The following MAP7 variants were observed in gnomAD, a reference collection of about 807,000 sequenced individuals.
The protein encoded by MAP7 is microtubule associated protein 7.
A neutral mutation model predicts 94.8 loss-of-function variants in MAP7; 52 were observed. The ratio of observed to expected loss-of-function variants is 0.55; its 90% CI spans 0.44 to 0.69. The LOEUF is 0.69. Ranked by LOEUF, MAP7 falls within the 30% of genes least tolerant of loss-of-function variation. The pLI is 0.00. For missense variants in MAP7, 940 were observed against 964.6 expected, an observed-to-expected ratio of 0.97 and a Z score of 0.34; for synonymous variants, 350 against 357.0, an observed-to-expected ratio of 0.98 and a Z score of 0.22.
intron 3 of MAP7, among the ~76,000 whole-genome samples, chr6:136,393,945 TTTC>T (rs1781532595): frequency 6.6e-6 from 1 of 151,144 alleles, no homozygotes; most frequent in African/African-American, 2.4e-5. Context: ...TGGCCTAGCA[TTTC>T]TTATGTTCTG....
chr6:136,377,755 C>T lies in MAP7; in HGVS notation c.751G>A (p.Ala251Thr), dbSNP rs1281920055. ...KSTAALSGEAASCSPIIMPYK... is the reference protein window; with the variant it reads ...KSTAALSGEATSCSPIIMPYK... ...GAAAGTTCCACCTGGACAGTTTTAC[C>T]TGCTTCTCCAGACAAGGCAGCTGTG... is the stretch of plus-strand genomic sequence containing the variant. Residue 251 changes from alanine (A) to threonine (T), a missense_variant and splice_region_variant, in exon 7 of 18, where the codon GCA becomes ACA. By Grantham distance (58) the Ala-to-Thr change is moderately conservative. Coordinates refer to ENST00000354570, the MANE Select transcript of MAP7 (RefSeq NM_003980.6). 1 of 1,613,334 alleles carries T rather than the reference C, an allele frequency of 6.2e-7. No individual in the cohort carries two copies. The highest frequency in any genetic ancestry group is 8.5e-7 in the Non-Finnish European group (1 of 1,179,338).
intron 16 of MAP7, among the ~76,000 whole-genome samples, chr6:136,353,490 T>C (rs545326188): frequency 6.6e-6 from 1 of 152,338 alleles, no homozygotes; most frequent in East Asian, 1.9e-4. Flanking sequence ...ACCATATGTA[T>C]ATTACCCACT....
chr6:136,403,647 C>A (rs1784788441), intron 3 of MAP7, among the ~76,000 whole-genome samples: 1 of 152,200 alleles, frequency 6.6e-6, no homozygotes, highest in Non-Finnish European at 1.5e-5. Flanking sequence ...TTTACAAGAC[C>A]CCTTACTTTT....
chr6:136,379,881 G>A (rs1381199498), intron 6 of MAP7, among the ~76,000 whole-genome samples: 3 of 152,174 alleles, frequency 2.0e-5, no homozygotes, highest in African/African-American at 7.2e-5. Context: ...ATATTGCTAG[G>A]AGAAACATGT....
At chr6:136,529,468 C>A (rs1283613708) in intron 1 of MAP7, among the ~76,000 whole-genome samples, 5 of 152,160 alleles carry the variant, frequency 3.3e-5, no homozygotes, top group African/African-American at 1.2e-4. Context: ...TTAGATGTGG[C>A]ACAACTATCC....
chr6:136,537,583 A>G (rs1222212911), intron 1 of MAP7, among the ~76,000 whole-genome samples: 1 of 152,222 alleles, frequency 6.6e-6, no homozygotes, highest in Non-Finnish European at 1.5e-5. Flanking sequence ...AAATCCATAC[A>G]AAACTTATTT....
intron 1 of MAP7, among the ~76,000 whole-genome samples, chr6:136,527,653 T>C (rs1336945094): frequency 6.6e-6 from 1 of 152,240 alleles, no homozygotes; most frequent in East Asian, 1.9e-4. Flanking sequence ...AAGTGCTTAA[T>C]AAATACCAAC....
chr6:136,454,801 A>G (rs2128892646), intron 1 of MAP7, among the ~76,000 whole-genome samples: 1 of 152,136 alleles, frequency 6.6e-6, no homozygotes, highest in Non-Finnish European at 1.5e-5. Flanking sequence ...TGGGAGGCTG[A>G]TATGGGAGGA....
Position 136,361,089 on chromosome 6 carries a change from G to T in MAP7, c.1617C>A (p.Ala539=). The change falls in exon 12 of 18, where the codon GCC becomes GCA. Residue 539 remains alanine, a synonymous_variant. Transcript: ENST00000354570. The part of the protein sequence containing the change: ...EESRRLEAEQ[A]REKEEQLQRQ... The stretch of plus-strand genomic sequence containing the variant: ...GCTGCAGCTGCTCCTCCTTCTCCCG[G>T]GCCTGCTCGGCTTCCAGCCTGCGCG... 1 of 1,604,332 alleles carries T rather than the reference G, an allele frequency of 6.2e-7. No individual in the cohort carries two copies.
At chr6:136,462,737 G>C (rs893263647) in intron 1 of MAP7, among the ~76,000 whole-genome samples, 1 of 151,972 alleles carries the variant, frequency 6.6e-6, no homozygotes, top group Non-Finnish European at 1.5e-5. Flanking sequence ...TGAGGTAGGC[G>C]GATCACCTGA....
intron 1 of MAP7, among the ~76,000 whole-genome samples, chr6:136,476,675 G>A (rs1811026296): frequency 6.6e-6 from 1 of 152,128 alleles, no homozygotes. Context: ...ACCTGCTCCA[G>A]GAATTCCACT....
intron 1 of MAP7, among the ~76,000 whole-genome samples, chr6:136,446,716 G>C: frequency 6.6e-6 from 1 of 152,156 alleles, no homozygotes. Flanking sequence ...GATTTCAGTA[G>C]TTGCATGCCA....
At chr6:136,367,740 G>A (rs1345838967) in intron 8 of MAP7, among the ~76,000 whole-genome samples, 1 of 152,294 alleles carries the variant, frequency 6.6e-6, no homozygotes, top group East Asian at 1.9e-4. Flanking sequence ...AAAGTAGGAG[G>A]TGGGGCCTCA....
At chr6:136,374,424 G>GA (rs2128611867) in intron 7 of MAP7, among the ~76,000 whole-genome samples, 1 of 152,314 alleles carries the variant, frequency 6.6e-6, no homozygotes, top group South Asian at 2.1e-4. Flanking sequence ...CACTTCTGGG[G>GA]ATTAATAACC....
intron 1 of MAP7, among the ~76,000 whole-genome samples, chr6:136,531,217 A>G (rs1562491571): frequency 6.9e-6 from 1 of 144,974 alleles, no homozygotes; most frequent in Non-Finnish European, 1.5e-5. Context: ...TCTCACGATA[A>G]TTAGGCTAAG....
chr6:136,409,772 C>T (rs185023922), intron 3 of MAP7, among the ~76,000 whole-genome samples: 1 of 152,288 alleles, frequency 6.6e-6, no homozygotes, highest in Non-Finnish European at 1.5e-5. Flanking sequence ...CTGCCTTTCA[C>T]TAGACTACAC....
chr6:136,404,288 T>G (rs926720080), intron 3 of MAP7, among the ~76,000 whole-genome samples: 7 of 151,610 alleles, frequency 4.6e-5, no homozygotes, highest in African/African-American at 1.5e-4. Context: ...TTATTAGTAC[T>G]GCCGTCACTC....
At chr6:136,412,867 T>A (rs769634967) in intron 2 of MAP7, among the ~76,000 whole-genome samples, 19 of 152,142 alleles carry the variant, frequency 1.2e-4, no homozygotes, top group Admixed American at 6.5e-5. Flanking sequence ...GACAGTAGAA[T>A]TGACGTTGAC....
At chr6:136,357,210 T>C (rs938147170) in intron 15 of MAP7, among the ~76,000 whole-genome samples, 7 of 152,194 alleles carry the variant, frequency 4.6e-5, no homozygotes, top group African/African-American at 1.7e-4. Flanking sequence ...ACCATAAGTA[T>C]TAAAAATATT....
Sources: allele counts gnomAD v4.1 joint callset (sites outside exome capture counted in the v4.1 genomes callset), GRCh38; gene constraint gnomAD v4.1.1; transcripts MANE v1.5; gene names NCBI Gene and HGNC (gene_info 2026-07-23, HGNC 2026-07-21).